Variants in FANCC observed in about 807,000 individuals in gnomAD.
FANCC encodes FA complementation group C.
Under a neutral mutation model 71.3 loss-of-function variants are expected in FANCC, and 55 were observed. The observed-to-expected ratio is 0.77, with a 90% CI of 0.62 to 0.97. The LOEUF (loss-of-function observed/expected upper bound fraction) is 0.97, where lower values mean the gene tolerates loss of function less well. Ranked by LOEUF, FANCC falls within the 50% of genes least tolerant of loss-of-function variation. The pLI is 0.00. For synonymous variants in FANCC, 275 were observed against 244.9 expected (o/e 1.12, Z -1.15); for missense variants, 678 against 670.9 (o/e 1.01, Z -0.12).
chr9:95,310,297 T>A (rs980342796), intron 1 of FANCC, among the ~76,000 whole-genome samples: 6 of 151,836 alleles, frequency 4.0e-5, no homozygotes, highest in Non-Finnish European at 8.8e-5. Flanking sequence ...AGCCCAGGAG[T>A]TTGAGGCTGC....
At chr9:95,168,506 C>A (rs1825452308) in intron 6 of FANCC, among the ~76,000 whole-genome samples, 1 of 152,178 alleles carries the variant, frequency 6.6e-6, no homozygotes, top group African/African-American at 2.4e-5. Flanking sequence ...TGAAAAAATT[C>A]CAGAAATAAT....
intron 1 of FANCC, among the ~76,000 whole-genome samples, chr9:95,281,872 A>G (rs1424084072): frequency 6.6e-6 from 1 of 150,808 alleles, no homozygotes; most frequent in Non-Finnish European, 1.5e-5. Flanking sequence ...GCATACTTTT[A>G]TAAGTCCCAT....
intron 6 of FANCC, among the ~76,000 whole-genome samples, chr9:95,156,416 G>T (rs1467198926): frequency 1.3e-5 from 2 of 152,142 alleles, no homozygotes; most frequent in African/African-American, 2.4e-5. Flanking sequence ...ACTGAATGAT[G>T]TTTAGAATCT....
At chr9:95,130,191 T>C (rs1436289481) in intron 8 of FANCC, among the ~76,000 whole-genome samples, 1 of 152,090 alleles carries the variant, frequency 6.6e-6, no homozygotes, top group Non-Finnish European at 1.5e-5. Flanking sequence ...CACCAATGAT[T>C]ATTACAAGCC....
At chr9:95,186,377 C>T (rs1826708536) in intron 4 of FANCC, 1 of 152,290 alleles carries the variant, frequency 6.6e-6, no homozygotes, top group Non-Finnish European at 1.5e-5. Context: ...CCAGGAGCCC[C>T]CTCACAAGTT....
intron 4 of FANCC, among the ~76,000 whole-genome samples, chr9:95,232,472 CA>C (rs2081487075): frequency 6.6e-6 from 1 of 152,140 alleles, no homozygotes; most frequent in African/African-American, 2.4e-5. Context: ...AGTGAAAAAA[CA>C]AATACAAATT....
At chr9:95,192,561 A>AG (rs1564739672) in intron 4 of FANCC, among the ~76,000 whole-genome samples, 1 of 152,240 alleles carries the variant, frequency 6.6e-6, no homozygotes, top group East Asian at 1.9e-4. Flanking sequence ...TGAACAAACT[A>AG]TAGAACACCA....
At chr9:95,175,312 CA>C (rs1404151539) in intron 4 of FANCC, among the ~76,000 whole-genome samples, 1 of 151,796 alleles carries the variant, frequency 6.6e-6, no homozygotes, top group Non-Finnish European at 1.5e-5. Context: ...AAAACAACAA[CA>C]AAAAACCCCC....
At chr9:95,155,390 G>C (rs113969738) in intron 6 of FANCC, among the ~76,000 whole-genome samples, 2 of 147,474 alleles carry the variant, frequency 1.4e-5, no homozygotes, top group African/African-American at 5.1e-5. Flanking sequence ...GAAAATATTC[G>C]TAATAAAGGA....
At chr9:95,280,766 A>G (rs1264597930) in intron 1 of FANCC, among the ~76,000 whole-genome samples, 1 of 152,240 alleles carries the variant, frequency 6.6e-6, no homozygotes, top group Non-Finnish European at 1.5e-5. Flanking sequence ...CAGAAATTCA[A>G]AATACTTGTT....
At chr9:95,167,451 T>C (rs1439772133) in intron 6 of FANCC, among the ~76,000 whole-genome samples, 2 of 152,206 alleles carry the variant, frequency 1.3e-5, no homozygotes, top group African/African-American at 2.4e-5. Context: ...ATTGTTCCAT[T>C]TGATGTTGTT....
At chr9:95,261,505 T>C (rs1832043804) in intron 1 of FANCC, among the ~76,000 whole-genome samples, 1 of 152,220 alleles carries the variant, frequency 6.6e-6, no homozygotes. Context: ...ATTTTGTGCA[T>C]ACACGCACAG....
At chr9:95,305,089 T>C (rs1834997526) in intron 1 of FANCC, among the ~76,000 whole-genome samples, 1 of 152,142 alleles carries the variant, frequency 6.6e-6, no homozygotes, top group African/African-American at 2.4e-5. Flanking sequence ...TGCTCTATTA[T>C]CCAATTTAGA....
intron 1 of FANCC, among the ~76,000 whole-genome samples, chr9:95,251,908 C>T (rs1831353693): frequency 6.6e-6 from 1 of 152,138 alleles, no homozygotes; most frequent in Non-Finnish European, 1.5e-5. Context: ...AAGGAAGTAA[C>T]TGCTAGTTAA....
intron 7 of FANCC, among the ~76,000 whole-genome samples, chr9:95,137,094 A>G (rs1827809144): frequency 6.6e-6 from 1 of 152,196 alleles, no homozygotes; most frequent in South Asian, 2.1e-4. Flanking sequence ...AAGGAAAACT[A>G]AAGTGGGGGC....
At chr9:95,315,387 G>C (rs1393848806) in intron 1 of FANCC, among the ~76,000 whole-genome samples, 3 of 152,164 alleles carry the variant, frequency 2.0e-5, no homozygotes, top group African/African-American at 7.2e-5. Flanking sequence ...ACTATGGCCG[G>C]CTAATTTCTT....
Position 95,117,183 on chromosome 9 carries a change from T to C in FANCC, c.1072+132A>G, listed in dbSNP as rs41281204. 5,550 of 829,794 alleles carry C rather than the reference T, an allele frequency of 6.7e-3. 28 individuals carry two copies. The highest frequency in any genetic ancestry group is 9.2e-3 in the Non-Finnish European group (4,587 of 496,402). The allele number at this position is 829,794 out of a possible 1,614,324, so 51.4% of individuals were successfully genotyped here. A position where few individuals can be genotyped will look rare whatever the true frequency, so the allele number is the denominator to read the frequency against. On this transcript the variant is annotated intron_variant, in intron 11 of 14. Coordinates refer to ENST00000289081, the MANE Select transcript of FANCC (RefSeq NM_000136.3). Reference sequence around the variant, plus strand: ...CCACAGAATGTGGGATCCTGGGGGCTTAAAGGGATCTTAGAAATAACCAGT... The same window carrying C: ...CCACAGAATGTGGGATCCTGGGGGCCTAAAGGGATCTTAGAAATAACCAGT...
intron 4 of FANCC, among the ~76,000 whole-genome samples, chr9:95,186,342 A>C (rs1398978306): frequency 1.3e-5 from 2 of 152,208 alleles, no homozygotes; most frequent in African/African-American, 2.4e-5. Context: ...TGACCTGTGC[A>C]TTCCCGCCTT....
chr9:95,100,793 G>A lies in FANCC; in HGVS notation c.*914C>T, dbSNP rs1052130713. The A allele has an allele frequency of 1.3e-5, 3 of 225,428 alleles. No individual in the cohort carries two copies. The highest frequency in any genetic ancestry group is 6.4e-5 in the East Asian group (1 of 15,738). 14.0% of individuals were successfully genotyped at this position (225,428 alleles called of 1,614,324 possible). A position where few individuals can be genotyped will look rare whatever the true frequency, so the allele number is the denominator to read the frequency against. On this transcript the variant is annotated 3_prime_UTR_variant, in exon 15 of 15. Coordinates refer to ENST00000289081, the MANE Select transcript of FANCC (RefSeq NM_000136.3). The stretch of plus-strand genomic sequence containing the variant: ...TTACAGATGCATGCCATTGCACCCC[G>A]ATAATTTTTGTATTTTTAGTAGAGA...
Sources: allele counts gnomAD v4.1 joint callset (sites outside exome capture counted in the v4.1 genomes callset), GRCh38; gene constraint gnomAD v4.1.1; transcripts MANE v1.5; gene names NCBI Gene and HGNC (gene_info 2026-07-23, HGNC 2026-07-21).